The following ZMAT4 variants were observed in gnomAD, a reference collection of about 807,000 sequenced individuals.
ZMAT4 encodes the protein zinc finger matrin-type 4, also known as zinc finger matrin-type protein 4.
ZMAT4 carries 17 observed loss-of-function variants against 28.7 expected under a neutral mutation model. The ratio of observed to expected loss-of-function variants is 0.59; its 90% CI spans 0.41 to 0.89. ZMAT4 has a LOEUF of 0.89. Among genes scored for constraint, ZMAT4 ranks in the 40% least tolerant of loss-of-function variants. ZMAT4 has a pLI of 0.00. For missense variants in ZMAT4, 240 were observed against 283.8 expected (o/e 0.85, Z 1.11); for synonymous variants, 117 against 109.2 (o/e 1.07, Z -0.44).
At chr8:40,704,653 C>A (rs1460995785) in intron 3 of ZMAT4, among the ~76,000 whole-genome samples, 1 of 152,220 alleles carries the variant, frequency 6.6e-6, no homozygotes, top group Non-Finnish European at 1.5e-5. Flanking sequence ...GTGCCTGACA[C>A]AGGTCTGGAT....
intron 5 of ZMAT4, among the ~76,000 whole-genome samples, chr8:40,614,012 T>G (rs1805901655): frequency 6.6e-6 from 1 of 152,248 alleles, no homozygotes; most frequent in Non-Finnish European, 1.5e-5. Flanking sequence ...TCCATAAGTG[T>G]CCCACATACT....
intron 5 of ZMAT4, among the ~76,000 whole-genome samples, chr8:40,651,383 C>A (rs1807641134): frequency 6.6e-6 from 1 of 151,852 alleles, no homozygotes. Context: ...ATGTGAAGGA[C>A]CTCTTCAAGG....
At chr8:40,782,994 C>T (rs1813901572) in intron 2 of ZMAT4, among the ~76,000 whole-genome samples, 2 of 152,184 alleles carry the variant, frequency 1.3e-5, no homozygotes, top group South Asian at 4.1e-4. Flanking sequence ...GCCAGTTTGG[C>T]AAACAGTTTG....
intron 4 of ZMAT4, among the ~76,000 whole-genome samples, chr8:40,693,402 C>T (rs1441584095): frequency 6.6e-6 from 1 of 152,218 alleles, no homozygotes; most frequent in Non-Finnish European, 1.5e-5. Flanking sequence ...AGGTATGAGC[C>T]TGCTCTCAGT....
chr8:40,557,881 T>C (rs148173680), intron 6 of ZMAT4, among the ~76,000 whole-genome samples: 37 of 152,194 alleles, frequency 2.4e-4, no homozygotes, highest in Non-Finnish European at 3.1e-4. Context: ...ACTGATTGAT[T>C]GATAGATTGA....
chr8:40,862,584 T>TAAAAAAAAAAAAAAAAAAAAAAAA (rs398007582), intron 1 of ZMAT4, among the ~76,000 whole-genome samples: 1 of 109,952 alleles, frequency 9.1e-6, no homozygotes, highest in African/African-American at 3.5e-5. Context: ...AAAAAAAAAT[T>TAAAAAAAAAAAAAAAAAAAAAAAA]AAAAAAAAAA....
At chr8:40,709,715 A>G (rs1278639095) in intron 3 of ZMAT4, among the ~76,000 whole-genome samples, 1 of 152,176 alleles carries the variant, frequency 6.6e-6, no homozygotes, top group Non-Finnish European at 1.5e-5. Context: ...TTAATAACCA[A>G]AATGACTATG....
At chr8:40,886,964 G>A (rs1818473821) in intron 1 of ZMAT4, among the ~76,000 whole-genome samples, 2 of 152,118 alleles carry the variant, frequency 1.3e-5, no homozygotes, top group African/African-American at 4.8e-5. Context: ...GAGGTCAGGA[G>A]ATCGAGACCA....
intron 4 of ZMAT4, among the ~76,000 whole-genome samples, chr8:40,687,837 TAATG>T (rs1466593254): frequency 6.6e-6 from 1 of 152,208 alleles, no homozygotes; most frequent in Non-Finnish European, 1.5e-5. Context: ...ATGAAGATGC[TAATG>T]ATTAGCAGTT....
At chr8:40,694,164 G>A (rs1486001383) in intron 4 of ZMAT4, among the ~76,000 whole-genome samples, 1 of 152,176 alleles carries the variant, frequency 6.6e-6, no homozygotes, top group Non-Finnish European at 1.5e-5. Flanking sequence ...CCACCACGTG[G>A]AAGGTGAAGC....
At chr8:40,735,397 G>C (rs1749754475) in intron 3 of ZMAT4, among the ~76,000 whole-genome samples, 2 of 152,194 alleles carry the variant, frequency 1.3e-5, no homozygotes, top group South Asian at 4.1e-4. Flanking sequence ...CGTTTTGTAA[G>C]GATTTCCATC....
chr8:40,748,534 T>C (rs10092049), intron 3 of ZMAT4, among the ~76,000 whole-genome samples: 111,383 of 152,066 alleles, frequency 0.73, 41,509 homozygotes, highest in Non-Finnish European at 0.82. Flanking sequence ...ATCTTAACTC[T>C]CTTCTGGCTA....
intron 3 of ZMAT4, among the ~76,000 whole-genome samples, chr8:40,742,447 A>G (rs574016165): frequency 1.8e-4 from 28 of 151,656 alleles, no homozygotes; most frequent in Non-Finnish European, 3.1e-4. Flanking sequence ...GAAAGGATCA[A>G]TCTATATCCC....
intron 1 of ZMAT4, among the ~76,000 whole-genome samples, chr8:40,878,828 G>A (rs35141088): frequency 6.6e-6 from 1 of 152,178 alleles, no homozygotes; most frequent in South Asian, 2.1e-4. Context: ...TCTCTGCTGA[G>A]TGTTTTTCCA....
intron 6 of ZMAT4, among the ~76,000 whole-genome samples, chr8:40,552,029 G>A (rs1014517010): frequency 6.6e-6 from 1 of 152,144 alleles, no homozygotes; most frequent in Non-Finnish European, 1.5e-5. Flanking sequence ...ACAAATGCCG[G>A]CTGAATCAGC....
At chr8:40,754,841 T>C (rs943503510) in intron 3 of ZMAT4, among the ~76,000 whole-genome samples, 4 of 152,112 alleles carry the variant, frequency 2.6e-5, no homozygotes, top group Admixed American at 2.6e-4. Flanking sequence ...AGTGAGACCT[T>C]GTATCAACTA....
chr8:40,601,400 GAAA>G (rs1805300288), intron 5 of ZMAT4, among the ~76,000 whole-genome samples: 2 of 18,256 alleles, frequency 1.1e-4, no homozygotes, highest in African/African-American at 2.2e-4. Context: ...AAGGAAGGAG[GAAA>G]GAAAGGAAGG....
chr8:40,835,052 T>C (rs1816427417), intron 1 of ZMAT4, among the ~76,000 whole-genome samples: 1 of 152,194 alleles, frequency 6.6e-6, no homozygotes, highest in South Asian at 2.1e-4. Flanking sequence ...AGAACACTAA[T>C]GGATAAACTC....
At chr8:40,748,385 T>C (rs989071072) in intron 3 of ZMAT4, among the ~76,000 whole-genome samples, 3 of 152,216 alleles carry the variant, frequency 2.0e-5, no homozygotes, top group African/African-American at 7.2e-5. Flanking sequence ...CTCAAATAGC[T>C]GCATTTTTAA....
Sources: allele counts gnomAD v4.1 joint callset (sites outside exome capture counted in the v4.1 genomes callset), GRCh38; gene constraint gnomAD v4.1.1; transcripts MANE v1.5; gene names NCBI Gene and HGNC (gene_info 2026-07-23, HGNC 2026-07-21).